DOCK3: variants seen among roughly 807,000 people sequenced by gnomAD.
The protein encoded by DOCK3 is dedicator of cytokinesis 3.
A neutral mutation model predicts 265.6 loss-of-function variants in DOCK3; 60 were observed. The ratio of observed to expected loss-of-function variants is 0.23; its 90% CI spans 0.18 to 0.28. DOCK3 has a LOEUF of 0.28. DOCK3 is among the 10% of genes least tolerant of loss of function. The probability of loss-of-function intolerance (pLI) is 1.00; values close to 1 mark genes in which losing one functional copy is unlikely to be tolerated. For synonymous variants in DOCK3, 881 were observed against 938.0 expected, an observed-to-expected ratio of 0.94 and a Z score of 1.11; for missense variants, 1,981 against 2,594.3, an observed-to-expected ratio of 0.76 and a Z score of 5.14.
intron 10 of DOCK3, among the ~76,000 whole-genome samples, chr3:51,154,390 T>A (rs2085747339): frequency 6.6e-6 from 1 of 152,174 alleles, no homozygotes; most frequent in Non-Finnish European, 1.5e-5. Flanking sequence ...TGGCTTAGTC[T>A]GGGAAGATCA....
At chr3:51,312,288 A>G (rs931423291) in intron 29 of DOCK3, among the ~76,000 whole-genome samples, 188 bp from the exon 30 acceptor site, 5 of 152,204 alleles carry the variant, frequency 3.3e-5, no homozygotes, top group Non-Finnish European at 5.9e-5. Flanking sequence ...AATCAACACA[A>G]TTGGCTTCAG....
chr3:51,201,572 G>T (rs2108014020), intron 12 of DOCK3, among the ~76,000 whole-genome samples: 1 of 152,184 alleles, frequency 6.6e-6, no homozygotes, highest in African/African-American at 2.4e-5. Context: ...CATTAATAAT[G>T]GGAGACTTTA....
chr3:50,961,466 G>A (rs529277197), intron 5 of DOCK3, among the ~76,000 whole-genome samples: 1 of 152,242 alleles, frequency 6.6e-6, no homozygotes, highest in African/African-American at 2.4e-5. Flanking sequence ...GGTGACTTTT[G>A]AGTAGAGTCC....
At chr3:50,993,498 T>C (rs1422147208) in intron 5 of DOCK3, among the ~76,000 whole-genome samples, 2 of 152,216 alleles carry the variant, frequency 1.3e-5, no homozygotes, top group East Asian at 3.8e-4. Flanking sequence ...TCTTTCAGAT[T>C]GTCTCAAGGC....
rs141767189 is a variant in DOCK3 at position 50,958,652 on chromosome 3, G to A, written c.315+24575G>A. Among the ~76,000 whole-genome samples, 34 of 152,168 alleles carry A rather than the reference G, an allele frequency of 2.2e-4. No individual in the cohort carries two copies. In the East Asian group the frequency reaches 3.7e-3, roughly 16 times the overall value. On this transcript the variant is annotated intron_variant, in intron 5 of 52. Coordinates refer to ENST00000266037, the MANE Select transcript of DOCK3 (RefSeq NM_004947.5). ...AAGGACACTGATAATTTATTTTTTC[G>A]TTTAACAAATATTGAATGCTTTCTA...
chr3:51,248,882 G>A (rs1403927475), intron 22 of DOCK3, among the ~76,000 whole-genome samples: 3 of 148,804 alleles, frequency 2.0e-5, no homozygotes, highest in African/African-American at 5.0e-5. Flanking sequence ...CTGCCCGGCC[G>A]CCACCCCGTC....
intron 1 of DOCK3, among the ~76,000 whole-genome samples, chr3:50,721,265 G>T (rs1299530720): frequency 6.6e-6 from 1 of 152,048 alleles, no homozygotes; most frequent in African/African-American, 2.4e-5. Context: ...ATCTTTGCCA[G>T]AGCCTATGTC....
intron 6 of DOCK3, among the ~76,000 whole-genome samples, chr3:51,067,234 A>T (rs890455597): frequency 6.6e-6 from 1 of 152,236 alleles, no homozygotes; most frequent in African/African-American, 2.4e-5. Flanking sequence ...CAGAACTATC[A>T]GTACCTATAC....
Position 50,989,341 on chromosome 3 carries a change from G to A in DOCK3, c.315+55264G>A, listed in dbSNP as rs560403756. 2.0e-4 allele frequency among the ~76,000 whole-genome samples: 31 copies of A among 152,238 alleles called. No homozygotes were observed. In the East Asian group the frequency reaches 2.7e-3, roughly 13 times the overall value. ...ACTGAGATTGCCCCAGAGCTACAGC[G>A]GGCAGGCCAGGAGTACCAAGTCACG... On this transcript the variant is annotated intron_variant, in intron 5 of 52. Coordinates refer to ENST00000266037, the MANE Select transcript of DOCK3 (RefSeq NM_004947.5).
chr3:51,249,364 G>A (rs1179699647), intron 22 of DOCK3, among the ~76,000 whole-genome samples: 3 of 143,034 alleles, frequency 2.1e-5, no homozygotes, highest in Non-Finnish European at 3.1e-5. Flanking sequence ...CGCCCAGTCC[G>A]GGAGGGAGGT....
At chr3:50,703,661 A>T (rs2036200621) in intron 1 of DOCK3, among the ~76,000 whole-genome samples, 1 of 151,624 alleles carries the variant, frequency 6.6e-6, no homozygotes, top group African/African-American at 2.4e-5. Flanking sequence ...TATCTGTGGT[A>T]TCAGTTGTGA....
chr3:50,991,154 C>A (rs1386559152), intron 5 of DOCK3, among the ~76,000 whole-genome samples: 1 of 152,192 alleles, frequency 6.6e-6, no homozygotes, highest in Non-Finnish European at 1.5e-5. Flanking sequence ...AATACAAAAA[C>A]ACACAGACCA....
intron 2 of DOCK3, among the ~76,000 whole-genome samples, chr3:50,795,554 G>A (rs939334499): frequency 2.0e-5 from 3 of 152,036 alleles, no homozygotes; most frequent in African/African-American, 7.2e-5. Context: ...GCTAATTTTT[G>A]TATTTTTGGT....
At chr3:50,985,323 C>G (rs1391644894) in intron 5 of DOCK3, among the ~76,000 whole-genome samples, 2 of 152,078 alleles carry the variant, frequency 1.3e-5, no homozygotes, top group African/African-American at 4.8e-5. Flanking sequence ...CTCAGTTGTC[C>G]TTTTAAAGCA....
At chr3:51,286,833 T>C (rs944793977) in intron 27 of DOCK3, among the ~76,000 whole-genome samples, 4 of 152,210 alleles carry the variant, frequency 2.6e-5, no homozygotes, top group African/African-American at 9.6e-5. Flanking sequence ...GATTAAGGAC[T>C]TAAATGTAAA....
chr3:51,335,484 T>C (rs2084799242), intron 35 of DOCK3, among the ~76,000 whole-genome samples: 1 of 152,212 alleles, frequency 6.6e-6, no homozygotes, highest in South Asian at 2.1e-4. Flanking sequence ...ACACATTGAA[T>C]GATGATCATT....
At chr3:50,870,359 T>C (rs1559748276) in intron 3 of DOCK3, among the ~76,000 whole-genome samples, 1 of 152,234 alleles carries the variant, frequency 6.6e-6, no homozygotes, top group Non-Finnish European at 1.5e-5. Context: ...TTTATTGTTA[T>C]ATAGTGTACT....
At chr3:50,978,920 C>A (rs1383138792) in intron 5 of DOCK3, among the ~76,000 whole-genome samples, 1 of 152,168 alleles carries the variant, frequency 6.6e-6, no homozygotes, top group Non-Finnish European at 1.5e-5. Flanking sequence ...AGGTGCTGTC[C>A]GTCACCCCTT....
chr3:50,859,374 T>C (rs1252350328), intron 3 of DOCK3, among the ~76,000 whole-genome samples: 1 of 151,750 alleles, frequency 6.6e-6, no homozygotes, highest in Non-Finnish European at 1.5e-5. Flanking sequence ...CATGCCACCA[T>C]GCCCAGCTAA....
Sources: gnomAD v4.1 joint callset for allele counts (sites outside exome capture counted in the v4.1 genomes callset) on GRCh38, gnomAD v4.1.1 for gene constraint, MANE v1.5 for transcripts, NCBI Gene and HGNC (gene_info 2026-07-23, HGNC 2026-07-21) for gene names.